The following ENPP7 variants were observed in gnomAD, a reference collection of about 807,000 sequenced individuals.
The protein encoded by ENPP7 is ectonucleotide pyrophosphatase/phosphodiesterase family member 7.
Under a neutral mutation model 33.6 loss-of-function variants are expected in ENPP7, and 39 were observed. The observed-to-expected ratio is 1.16, with a 90% CI of 0.90 to 1.52. The LOEUF (loss-of-function observed/expected upper bound fraction) is 1.52, where lower values mean the gene tolerates loss of function less well. Ranked by LOEUF, ENPP7 falls within the 40% of genes most tolerant of loss-of-function variation. The pLI, the probability that ENPP7 is intolerant of heterozygous loss-of-function variation, is 0.00. For missense variants in ENPP7, 594 were observed against 641.0 expected, an observed-to-expected ratio of 0.93 and a Z score of 0.79; for synonymous variants, 244 against 274.3, an observed-to-expected ratio of 0.89 and a Z score of 1.09.
chr17:79,740,269 G>A (rs1407646201), intron 5 of ENPP7, among the ~76,000 whole-genome samples: 1 of 152,138 alleles, frequency 6.6e-6, no homozygotes, highest in Non-Finnish European at 1.5e-5. Context: ...GATGTGTGTG[G>A]TGGGGAGGAC....
chr17:79,738,381 T>C lies in ENPP7; in HGVS notation c.*16+319T>C, dbSNP rs1366116071. ...CAGAGCTGCTGCCTCCCCTCCTTCCTGCCATCTCTGTGCTCCACTGGGATA... is the reference window on the plus strand; with the variant it reads ...CAGAGCTGCTGCCTCCCCTCCTTCCCGCCATCTCTGTGCTCCACTGGGATA... On this transcript the variant is annotated intron_variant, in intron 5 of 5. Coordinates refer to ENST00000328313, the MANE Select transcript of ENPP7 (RefSeq NM_178543.5). This position sits in a 1 kb window ranked among gnomAD's most constrained non-coding sequence, Gnocchi z 6.2. 3 of 292,994 alleles carry C rather than the reference T, an allele frequency of 1.0e-5. No homozygotes were observed. The highest frequency in any genetic ancestry group is 2.0e-5 in the Non-Finnish European group (3 of 151,534). The allele number at this position is 292,994 out of a possible 1,614,324, so 18.1% of individuals were successfully genotyped here.
intron 2 of ENPP7, among the ~76,000 whole-genome samples, chr17:79,733,865 G>A (rs139341552): frequency 1.9e-3 from 296 of 152,196 alleles, no homozygotes; most frequent in African/African-American, 6.8e-3. Context: ...AGCTACGTCC[G>A]GCTCGGCCCA....
chr17:79,734,902 A>G, intron 2 of ENPP7, 141 bp from the exon 3 acceptor site: 1 of 817,516 alleles, frequency 1.2e-6, no homozygotes, highest in South Asian at 1.8e-5. Flanking sequence ...TAGAAATTAA[A>G]GGCCCCGCAG....
Position 79,742,115 on chromosome 17 carries a change from G to A in ENPP7, c.*338G>A. The A allele has an allele frequency of 4.4e-6, 1 of 228,334 alleles. No homozygotes were observed. Among genetic ancestry groups the A allele is most frequent in the Non-Finnish European group, 7.3e-6 (1 of 137,612 alleles). The allele number at this position is 228,334 out of a possible 1,614,324, so 14.1% of individuals were successfully genotyped here. A position where few individuals can be genotyped will look rare whatever the true frequency, so the allele number is the denominator to read the frequency against. The stretch of plus-strand genomic sequence containing the variant: ...TCTGCAGCCACGCGGGGGCGCGCGG[G>A]AGCTCTGCGGGCGCTGGAACCTGCA... On this transcript the variant is annotated 3_prime_UTR_variant, in exon 6 of 6. Coordinates refer to ENST00000328313, the MANE Select transcript of ENPP7 (RefSeq NM_178543.5).
At chr17:79,733,389 C>A in intron 1 of ENPP7, 119 bp from the exon 2 acceptor site, 2 of 1,072,148 alleles carry the variant, frequency 1.9e-6, no homozygotes, top group Non-Finnish European at 2.8e-6. Context: ...CAGGCCCACT[C>A]CCCACCCAGC....
At position 79,735,945 on chromosome 17, in the gene ENPP7, T is replaced by C. The variant is rs140148759; in HGVS notation, c.1026+276T>C. ...TTCATTTGAGACAGAGTTTCACTCT[T>C]GTCATCCAGGCTGGAGGGTAATGGT... On this transcript the variant is annotated intron_variant, in intron 3 of 5. Transcript: ENST00000328313. This position sits in a 1 kb window ranked among gnomAD's most constrained non-coding sequence, Gnocchi z 5.5. Among the ~76,000 whole-genome samples, 247 of 152,290 alleles carry C rather than the reference T, an allele frequency of 1.6e-3. 3 individuals are homozygous for C. Among genetic ancestry groups the C allele is most frequent in the East Asian group, 0.012 (61 of 5,192 alleles).
rs1393271754 is a variant in ENPP7 at position 79,739,413 on chromosome 17, G to A, written c.*16+1351G>A. Reference sequence around the variant, plus strand: ...AACGGGAGCAGGAAGTGGCCAGTTTGGAGGTGGCTGCAGGACCCAGCCGGA... The same window carrying A: ...AACGGGAGCAGGAAGTGGCCAGTTTAGAGGTGGCTGCAGGACCCAGCCGGA... On this transcript the variant is annotated intron_variant, in intron 5 of 5. Coordinates refer to ENST00000328313, the MANE Select transcript of ENPP7 (RefSeq NM_178543.5). The surrounding 1 kb of genome is among the most constrained non-coding windows in gnomAD (Gnocchi z 4.4). 2.0e-5 allele frequency: 3 copies of A among 152,464 alleles called. No individual in the cohort carries two copies. The highest frequency in any genetic ancestry group is 7.2e-5 in the African/African-American group (3 of 41,468). 9.4% of individuals were successfully genotyped at this position (152,464 alleles called of 1,614,324 possible).
Position 79,735,735 on chromosome 17 carries a change from T to G in ENPP7, c.1026+66T>G. 1.4e-6 allele frequency: 2 copies of G among 1,449,432 alleles called. No homozygotes were observed. The highest frequency in any genetic ancestry group is 2.3e-5 in the East Asian group (1 of 43,910). 89.8% of individuals were successfully genotyped at this position (1,449,432 alleles called of 1,614,324 possible). A position where few individuals can be genotyped will look rare whatever the true frequency, so the allele number is the denominator to read the frequency against. Reference sequence around the variant, plus strand: ...CCCCAGGCTCTGGGTCTTCTTTTTTTTTTTTTGAGACCAGGGTCTTGCTCT... The same window carrying G: ...CCCCAGGCTCTGGGTCTTCTTTTTTGTTTTTTGAGACCAGGGTCTTGCTCT... On this transcript the variant is annotated intron_variant, in intron 3 of 5. Coordinates refer to ENST00000328313, the MANE Select transcript of ENPP7 (RefSeq NM_178543.5). This position sits in a 1 kb window ranked among gnomAD's most constrained non-coding sequence, Gnocchi z 5.5.
At chr17:79,732,133 T>TATACATATATACACAC (rs1491155494) in intron 1 of ENPP7, among the ~76,000 whole-genome samples, 2 of 18,704 alleles carry the variant, frequency 1.1e-4, no homozygotes, top group Admixed American at 5.7e-4. Context: ...TATATATATG[T>TATACATATATACACAC]ATATATATAT....
intron 5 of ENPP7, among the ~76,000 whole-genome samples, chr17:79,741,365 C>T (rs1377143197): frequency 1.3e-5 from 2 of 152,186 alleles, no homozygotes; most frequent in Non-Finnish European, 2.9e-5. Context: ...GTGGAACGGA[C>T]GCAGTCCTTG....
chr17:79,738,134 T>C lies in ENPP7; in HGVS notation c.*16+72T>C. The stretch of plus-strand genomic sequence containing the variant: ...TGACCCTCCACCCTGATGTCCCAGC[T>C]ACAGTCCTAGGCAACCAGAACAGAG... On this transcript the variant is annotated intron_variant, in intron 5 of 5. Transcript: ENST00000328313. This position sits in a 1 kb window ranked among gnomAD's most constrained non-coding sequence, Gnocchi z 6.2. 6.6e-7 allele frequency: 1 copy of C among 1,508,006 alleles called. No individual in the cohort carries two copies. Among genetic ancestry groups the C allele is most frequent in the Non-Finnish European group, 9.0e-7 (1 of 1,106,292 alleles). The allele number at this position is 1,508,006 out of a possible 1,614,324, so 93.4% of individuals were successfully genotyped here. A position where few individuals can be genotyped will look rare whatever the true frequency, so the allele number is the denominator to read the frequency against.
rs1006448929 is a variant in ENPP7 at position 79,741,952 on chromosome 17, G to A, written c.*175G>A. Reference sequence around the variant, plus strand: ...CCCCTGCTTGGCTGTTATGGTGCTGGTAATAAGCCTCGCAGCCCAGGTCCA... The same window carrying A: ...CCCCTGCTTGGCTGTTATGGTGCTGATAATAAGCCTCGCAGCCCAGGTCCA... On this transcript the variant is annotated 3_prime_UTR_variant, in exon 6 of 6. Transcript: ENST00000328313. The A allele has an allele frequency of 1.5e-5, 15 of 985,478 alleles. No individual in the cohort carries two copies. The African/African-American group carries it at 2.6e-4, about 17-fold the overall frequency. 61.0% of individuals were successfully genotyped at this position (985,478 alleles called of 1,614,324 possible).
intron 1 of ENPP7, among the ~76,000 whole-genome samples, chr17:79,732,534 A>G (rs146081800): frequency 3.6e-4 from 55 of 152,208 alleles, no homozygotes; most frequent in African/African-American, 1.3e-3. Context: ...CCCACCCGGA[A>G]GGTTCCAGCA....
At chr17:79,736,568 T>C (rs1555823648) in intron 3 of ENPP7, among the ~76,000 whole-genome samples, 1 of 144,260 alleles carries the variant, frequency 6.9e-6, no homozygotes, top group African/African-American at 2.7e-5. Context: ...TGTGTGTGTG[T>C]GTGTGTGCGT....
Position 79,731,097 on chromosome 17 carries a change from A to G in ENPP7, c.-43A>G. On this transcript the variant is annotated 5_prime_UTR_variant, in exon 1 of 6. Coordinates refer to ENST00000328313, the MANE Select transcript of ENPP7 (RefSeq NM_178543.5). Reference sequence around the variant, plus strand: ...GACTTTGTCCTCCTCGGCAGGAGCCAGCCCTGTGCACCCTGTGTGCCTGTC... The same window carrying G: ...GACTTTGTCCTCCTCGGCAGGAGCCGGCCCTGTGCACCCTGTGTGCCTGTC... The G allele has an allele frequency of 6.4e-7, 1 of 1,567,120 alleles. No individual in the cohort carries two copies. The highest frequency in any genetic ancestry group is 8.6e-7 in the Non-Finnish European group (1 of 1,159,086).
At position 79,731,012 on chromosome 17, in the gene ENPP7, G is replaced by C. The variant is rs1287614352; in HGVS notation, c.-128G>C. ...GAGCCCACTCCCGAGGTTCGACCCG[G>C]GGATGTGCACAGCCACATTCCAAAG... On this transcript the variant is annotated 5_prime_UTR_variant, in exon 1 of 6. Coordinates refer to ENST00000328313, the MANE Select transcript of ENPP7 (RefSeq NM_178543.5). 1 of 1,081,994 alleles carries C rather than the reference G, an allele frequency of 9.2e-7. No homozygotes were observed. The highest frequency in any genetic ancestry group is 2.8e-5 in the Admixed American group (1 of 35,784). 67.0% of individuals were successfully genotyped at this position (1,081,994 alleles called of 1,614,324 possible).
In ENPP7 at chr17:79,738,109, T is replaced by C; in HGVS notation, c.*16+47T>C. 1 of 1,575,442 alleles carries C rather than the reference T, an allele frequency of 6.3e-7. No individual in the cohort carries two copies. The highest frequency in any genetic ancestry group is 1.1e-5 in the South Asian group (1 of 89,994). On this transcript the variant is annotated intron_variant, in intron 5 of 5. Coordinates refer to ENST00000328313, the MANE Select transcript of ENPP7 (RefSeq NM_178543.5). The surrounding 1 kb of genome is among the most constrained non-coding windows in gnomAD (Gnocchi z 6.2). ...GGCGGGAGGGTGGCCCCACGCTCCC[T>C]GACCCTCCACCCTGATGTCCCAGCT...
chr17:79,731,250 C>T lies in ENPP7; in HGVS notation c.111C>T (p.Ser37=), dbSNP rs561765965. ...QGSQNKLLLV[S]FDGFRWNYDQ... ...CCCAGAACAAGCTGCTCCTGGTGTC[C>T]TTCGACGGCTTCCGCTGGAACTACG... The change falls in exon 1 of 6, where the codon TCC becomes TCT. Residue 37 remains serine (S), a synonymous_variant. Transcript: ENST00000328313. 6.2e-7 allele frequency: 1 copy of T among 1,613,648 alleles called. No homozygotes were observed. Among genetic ancestry groups the T allele is most frequent in the African/African-American group, 1.3e-5 (1 of 75,060 alleles).
At position 79,733,654 on chromosome 17, in the gene ENPP7, G is replaced by A. The variant is rs1555822976; in HGVS notation, c.399+1G>A. 8 of 1,609,232 alleles carry A rather than the reference G, an allele frequency of 5.0e-6. No individual in the cohort carries two copies. The highest frequency in any genetic ancestry group is 3.9e-4 in the Middle Eastern group (2 of 5,130). On this transcript the variant is annotated splice_donor_variant, in intron 2 of 5. Transcript: ENST00000328313. LOFTEE classifies it high-confidence loss of function. ...CATCTGGATCACAGCCCAGAGGCAGGTAATGTCACCCCCGCCCATACTGAC... is the reference window on the plus strand; with the variant it reads ...CATCTGGATCACAGCCCAGAGGCAGATAATGTCACCCCCGCCCATACTGAC...
Sources: gnomAD v4.1 joint callset for allele counts (sites outside exome capture counted in the v4.1 genomes callset) on GRCh38, gnomAD v4.1.1 for gene constraint, Gnocchi (gnomAD v3.1) non-coding constraint, MANE v1.5 for transcripts, NCBI Gene and HGNC (gene_info 2026-07-23, HGNC 2026-07-21) for gene names.